The following SLC38A9 variants were observed in gnomAD, a reference collection of about 807,000 sequenced individuals.
The protein encoded by SLC38A9 is solute carrier family 38 member 9, also known as neutral amino acid transporter 9.
In SLC38A9, 48 loss-of-function variants were observed where a neutral mutation model predicts 62.3. That is an observed-to-expected ratio of 0.77 (90% CI 0.61 to 0.98). The LOEUF is 0.98. SLC38A9 is among the 50% of genes least tolerant of loss of function. The pLI is 0.00. For missense variants in SLC38A9, 541 were observed against 679.8 expected (o/e 0.80, Z 2.27); for synonymous variants, 204 against 227.7 (o/e 0.90, Z 0.94).
Position 55,694,702 on chromosome 5 carries a change from T to C in SLC38A9, c.113+3144A>G, listed in dbSNP as rs192035420. On this transcript the variant is annotated intron_variant, in intron 3 of 15. Transcript: ENST00000396865. Reference sequence around the variant, plus strand: ...CTTTTCCCTTTTCCCTTCCCTTCCCTTCCCCTCCCCTCCCCTCCCCTCCGC... The same window carrying C: ...CTTTTCCCTTTTCCCTTCCCTTCCCCTCCCCTCCCCTCCCCTCCCCTCCGC... Among the ~76,000 whole-genome samples, 33 of 145,814 alleles carry C rather than the reference T, an allele frequency of 2.3e-4. No individual in the cohort carries two copies. In the East Asian group the frequency reaches 5.2e-3, roughly 23 times the overall value.
chr5:55,695,688 C>A (rs1398931525), intron 3 of SLC38A9, among the ~76,000 whole-genome samples: 2 of 86,266 alleles, frequency 2.3e-5, no homozygotes, highest in African/African-American at 7.1e-5. Flanking sequence ...GACACGGCAA[C>A]CATCCGATTT....
chr5:55,635,289 C>T, intron 13 of SLC38A9: 1 of 512,718 alleles, frequency 2.0e-6, no homozygotes, highest in Non-Finnish European at 3.5e-6. Context: ...CACAAGGTGC[C>T]TGGCATGTAG....
At chr5:55,640,311 T>C (rs373064658) in intron 12 of SLC38A9, among the ~76,000 whole-genome samples, 3 of 152,230 alleles carry the variant, frequency 2.0e-5, no homozygotes, top group East Asian at 3.8e-4. Flanking sequence ...TTTAAGCCTT[T>C]GTTTTAAAAA....
intron 3 of SLC38A9, among the ~76,000 whole-genome samples, chr5:55,687,718 T>C (rs915847599): frequency 2.6e-5 from 4 of 152,146 alleles, no homozygotes; most frequent in African/African-American, 9.7e-5. Flanking sequence ...TTATTTATTT[T>C]GAGACAGAGT....
rs1554062822 is a variant in SLC38A9, at chr5:55,677,926, T to TGTGTGTGTGTGTGTGTGTGTGTGTGTG, written c.114-5232_114-5231insCACACACACACACACACACACACACAC. On this transcript the variant is annotated intron_variant, in intron 3 of 15. Transcript: ENST00000396865. ...TAAATCAATACTTTTTTTTTCTTTATTGTGTGTGTGTGTGTGTGTGTGTGT... is the reference window on the plus strand; with the variant it reads ...TAAATCAATACTTTTTTTTTCTTTATGTGTGTGTGTGTGTGTGTGTGTGTGTGTGTGTGTGTGTGTGTGTGTGTGTGT... Among the ~76,000 whole-genome samples, 30 of 112,212 alleles carry TGTGTGTGTGTGTGTGTGTGTGTGTGTG rather than the reference T, an allele frequency of 2.7e-4. 3 individuals are homozygous for TGTGTGTGTGTGTGTGTGTGTGTGTGTG. The highest frequency in any genetic ancestry group is 4.0e-4 in the Non-Finnish European group (22 of 55,008). The allele number at this position is 112,212 out of a possible 152,430, so 73.6% of individuals were successfully genotyped here. A position where few individuals can be genotyped will look rare whatever the true frequency, so the allele number is the denominator to read the frequency against.
intron 3 of SLC38A9, chr5:55,693,142 C>T: frequency 1.6e-5 from 5 of 312,478 alleles, no homozygotes; most frequent in Non-Finnish European, 2.3e-5. Context: ...TGGGTGTCTA[C>T]CTAACAGTAT....
chr5:55,703,699 A>G (rs1756937833), intron 2 of SLC38A9, among the ~76,000 whole-genome samples: 1 of 152,176 alleles, frequency 6.6e-6, no homozygotes, highest in Admixed American at 6.5e-5. Context: ...TTTAAAACTA[A>G]AAGGCAGAAT....
intron 12 of SLC38A9, among the ~76,000 whole-genome samples, chr5:55,642,682 A>G (rs951616610): frequency 6.6e-6 from 1 of 152,180 alleles, no homozygotes; most frequent in Admixed American, 6.5e-5. Context: ...TGTATGTTAG[A>G]TCATGTTAAC....
intron 12 of SLC38A9, among the ~76,000 whole-genome samples, chr5:55,643,240 T>G (rs1057140455): frequency 6.6e-6 from 1 of 152,226 alleles, no homozygotes; most frequent in African/African-American, 2.4e-5. Flanking sequence ...AGCACTGCTT[T>G]AAGTAAACTC....
intron 3 of SLC38A9, chr5:55,691,177 C>T (rs1413455764): frequency 1.2e-6 from 1 of 828,336 alleles, no homozygotes; most frequent in Non-Finnish European, 2.0e-6. Context: ...TTGGTTAGGA[C>T]TTCATATTTA....
chr5:55,659,378 G>GTTTTTTTTTT (rs35686566), intron 8 of SLC38A9, among the ~76,000 whole-genome samples: 4 of 125,572 alleles, frequency 3.2e-5, no homozygotes, highest in African/African-American at 2.9e-5. Flanking sequence ...AACTGGAAAG[G>GTTTTTTTTTT]TTTTTTTTTT....
intron 3 of SLC38A9, among the ~76,000 whole-genome samples, chr5:55,685,833 C>G (rs1453283125): frequency 6.6e-6 from 1 of 152,102 alleles, no homozygotes; most frequent in African/African-American, 2.4e-5. Flanking sequence ...CTCTATGTGT[C>G]CATGGTGTTC....
chr5:55,687,354 A>G (rs1012754138), intron 3 of SLC38A9, among the ~76,000 whole-genome samples: 7 of 140,360 alleles, frequency 5.0e-5, no homozygotes, highest in African/African-American at 1.9e-4. Flanking sequence ...GTGAACCCGG[A>G]AGGCGGAGCT....
At position 55,656,784 on chromosome 5, in the gene SLC38A9, A is replaced by G. The variant is rs747589174; in HGVS notation, c.698-10T>C. 3.4e-6 allele frequency: 5 copies of G among 1,449,436 alleles called. No homozygotes were observed. The East Asian group carries it at 6.9e-5, about 20-fold the overall frequency. The allele number at this position is 1,449,436 out of a possible 1,614,324, so 89.8% of individuals were successfully genotyped here. ...ATGTGATGAATAAAATCTAAAAATA[A>G]AGGAAAAAATATAGTTTAACACTGA... On this transcript the variant is annotated splice_polypyrimidine_tract_variant and intron_variant, in intron 8 of 15. Transcript: ENST00000396865.
chr5:55,694,383 G>A (rs933389617), intron 3 of SLC38A9, among the ~76,000 whole-genome samples: 2 of 152,148 alleles, frequency 1.3e-5, no homozygotes, highest in African/African-American at 4.8e-5. Flanking sequence ...CTTCTGGTAA[G>A]ATCAGGAAAG....
intron 7 of SLC38A9, among the ~76,000 whole-genome samples, chr5:55,667,207 C>G (rs1750621837): frequency 7.6e-6 from 1 of 131,622 alleles, no homozygotes. Flanking sequence ...TAAGTCTCTT[C>G]TAGTTTTTAT....
intron 3 of SLC38A9, among the ~76,000 whole-genome samples, chr5:55,677,913 T>G (rs1752345622): frequency 7.0e-6 from 1 of 142,552 alleles, no homozygotes; most frequent in African/African-American, 2.7e-5. Context: ...AATCAATACT[T>G]TTTTTTTCTT....
intron 12 of SLC38A9, among the ~76,000 whole-genome samples, chr5:55,635,975 G>A (rs1308684171): frequency 6.6e-6 from 1 of 152,106 alleles, no homozygotes; most frequent in Non-Finnish European, 1.5e-5. Flanking sequence ...TAATTTAGTT[G>A]CCAAATTACA....
intron 3 of SLC38A9, among the ~76,000 whole-genome samples, chr5:55,692,260 T>C (rs1382130862): frequency 6.6e-6 from 1 of 152,146 alleles, no homozygotes. Context: ...AAAAAGTAAA[T>C]AGATTTTTGA....
Sources: gnomAD v4.1 joint callset for allele counts (sites outside exome capture counted in the v4.1 genomes callset) on GRCh38, gnomAD v4.1.1 for gene constraint, MANE v1.5 for transcripts, NCBI Gene and HGNC (gene_info 2026-07-23, HGNC 2026-07-21) for gene names.